FOXP2: variants seen among roughly 807,000 people sequenced by gnomAD.
FOXP2 encodes the protein forkhead box P2.
In FOXP2, 12 loss-of-function variants were observed where a neutral mutation model predicts 115.8. That is an observed-to-expected ratio of 0.10 (90% CI 0.07 to 0.17). The LOEUF is 0.17. FOXP2 is among the 10% of genes least tolerant of loss of function. The probability of loss-of-function intolerance (pLI) is 1.00; values close to 1 mark genes in which losing one functional copy is unlikely to be tolerated. For missense variants in FOXP2, 629 were observed against 843.5 expected (o/e 0.75, Z 3.15); for synonymous variants, 328 against 297.7 (o/e 1.10, Z -1.05).
chr7:114,632,836 C>G (rs769997480), intron 6 of FOXP2, among the ~76,000 whole-genome samples: 2 of 151,660 alleles, frequency 1.3e-5, no homozygotes, highest in Non-Finnish European at 2.9e-5. Flanking sequence ...CTGAGTTATT[C>G]TAAAGAATAT....
intron 3 of FOXP2, among the ~76,000 whole-genome samples, chr7:114,548,994 T>A (rs1800069674): frequency 6.6e-6 from 1 of 152,178 alleles, no homozygotes; most frequent in African/African-American, 2.4e-5. Flanking sequence ...GTCTTAACAT[T>A]CCTCCCAGCT....
Position 114,658,239 on chromosome 7 carries a change from A to C in FOXP2, c.1440A>C (p.Ser480=), listed in dbSNP as rs750184306. The C allele has an allele frequency of 6.2e-7, 1 of 1,613,866 alleles. No individual in the cohort carries two copies. The highest frequency in any genetic ancestry group is 2.2e-5 in the East Asian group (1 of 44,858). The change falls in exon 11 of 17, where the codon TCA becomes TCC. Residue 480 remains serine (S), a synonymous_variant. Coordinates refer to ENST00000350908, the MANE Select transcript of FOXP2 (RefSeq NM_014491.4). ...PNVGAIRRRH[S]DKYNIPMSSE... ...TGGGAGCCATACGAAGGCGACATTC[A>C]GACAAATACAACATTCCCATGTCAT...
At chr7:114,219,700 T>C (rs1330161608) in intron 1 of FOXP2, among the ~76,000 whole-genome samples, 2 of 152,156 alleles carry the variant, frequency 1.3e-5, no homozygotes, top group Non-Finnish European at 2.9e-5. Flanking sequence ...ACTTCTCTAA[T>C]TTGTTACCCC....
At chr7:114,427,695 A>G (rs1386241137) in intron 2 of FOXP2, among the ~76,000 whole-genome samples, 2 of 151,642 alleles carry the variant, frequency 1.3e-5, no homozygotes, top group Non-Finnish European at 3.0e-5. Context: ...AAGGTAGTAT[A>G]TAATGAGAAA....
At chr7:114,685,982 A>G (rs73716964) in intron 16 of FOXP2, among the ~76,000 whole-genome samples, 2 of 148,574 alleles carry the variant, frequency 1.3e-5, no homozygotes, top group East Asian at 2.0e-4. Context: ...TTTTTTTTTT[A>G]AAAAAAAAGC....
At chr7:114,125,791 G>T (rs1791691161) in intron 1 of FOXP2, among the ~76,000 whole-genome samples, 2 of 152,164 alleles carry the variant, frequency 1.3e-5, no homozygotes, top group South Asian at 4.1e-4. Context: ...CCCTCTCTCA[G>T]TTTCAGATTG....
chr7:114,178,610 A>G (rs1000790027), intron 1 of FOXP2, among the ~76,000 whole-genome samples: 33 of 151,992 alleles, frequency 2.2e-4, no homozygotes, highest in African/African-American at 8.0e-4. Context: ...TAGCTGTAAG[A>G]ACAGACAGAG....
intron 16 of FOXP2, among the ~76,000 whole-genome samples, chr7:114,686,396 C>A (rs1204404602): frequency 2.0e-5 from 3 of 152,162 alleles, no homozygotes; most frequent in Admixed American, 2.0e-4. Flanking sequence ...TGGTCTTGAA[C>A]CCCTGACCTC....
chr7:114,301,656 G>A (rs1272080070), intron 2 of FOXP2, among the ~76,000 whole-genome samples: 2 of 152,158 alleles, frequency 1.3e-5, no homozygotes, highest in East Asian at 1.9e-4. Context: ...AATGAAAAGG[G>A]CATTTTGCAC....
Position 114,690,422 on chromosome 7 carries a change from A to G in FOXP2, c.*496A>G. The G allele has an allele frequency of 2.2e-6, 1 of 453,944 alleles. No individual in the cohort carries two copies. The highest frequency in any genetic ancestry group is 4.4e-6 in the Non-Finnish European group (1 of 226,656). 28.1% of individuals were successfully genotyped at this position (453,944 alleles called of 1,614,324 possible). On this transcript the variant is annotated 3_prime_UTR_variant, in exon 17 of 17. Coordinates refer to ENST00000350908, the MANE Select transcript of FOXP2 (RefSeq NM_014491.4). Reference sequence around the variant, plus strand: ...TATTGTTTTTAATTTGCACAGGAGTAGTATCAGAAATTAGTGTCACTGCTT... The same window carrying G: ...TATTGTTTTTAATTTGCACAGGAGTGGTATCAGAAATTAGTGTCACTGCTT...
At chr7:114,373,441 A>G (rs963107590) in intron 2 of FOXP2, among the ~76,000 whole-genome samples, 7 of 152,222 alleles carry the variant, frequency 4.6e-5, no homozygotes, top group Non-Finnish European at 7.3e-5. Context: ...TGACTGTGAC[A>G]AAGTGGCCTA....
chr7:114,459,143 A>G (rs1005335079), intron 2 of FOXP2, among the ~76,000 whole-genome samples: 4 of 152,218 alleles, frequency 2.6e-5, no homozygotes, highest in African/African-American at 9.6e-5. Context: ...AAAAGCAGCC[A>G]GTCCTCTTAA....
chr7:114,391,889 G>C (rs1317321773), intron 2 of FOXP2, among the ~76,000 whole-genome samples: 2 of 152,128 alleles, frequency 1.3e-5, no homozygotes, highest in African/African-American at 4.8e-5. Context: ...ACTCTGAAAA[G>C]CATACTAGGT....
intron 1 of FOXP2, among the ~76,000 whole-genome samples, chr7:114,206,849 A>G (rs551584031): frequency 6.6e-6 from 1 of 152,314 alleles, no homozygotes; most frequent in African/African-American, 2.4e-5. Context: ...TTTAAAGTGT[A>G]TGACTCAGTG....
intron 2 of FOXP2, among the ~76,000 whole-genome samples, chr7:114,461,358 T>C (rs1179381394): frequency 6.6e-6 from 1 of 152,202 alleles, no homozygotes; most frequent in Non-Finnish European, 1.5e-5. Flanking sequence ...TATTATACTT[T>C]TCCTTTTAAT....
At chr7:114,458,609 G>A (rs1211721753) in intron 2 of FOXP2, among the ~76,000 whole-genome samples, 2 of 141,566 alleles carry the variant, frequency 1.4e-5, no homozygotes, top group African/African-American at 2.7e-5. Flanking sequence ...GTGCAGTGGT[G>A]CAATGATGGC....
intron 2 of FOXP2, among the ~76,000 whole-genome samples, chr7:114,303,756 T>C (rs1796933421): frequency 6.6e-6 from 1 of 152,140 alleles, no homozygotes; most frequent in Admixed American, 6.5e-5. Context: ...ACAGTTTAGT[T>C]ATTGGTTAGT....
intron 11 of FOXP2, among the ~76,000 whole-genome samples, 155 bp downstream of exon 11, chr7:114,658,422 G>A (rs939413439): frequency 1.3e-5 from 2 of 152,106 alleles, no homozygotes; most frequent in African/African-American, 2.4e-5. Flanking sequence ...GAATAGGGGC[G>A]ATTCCCTAAG....
intron 1 of FOXP2, among the ~76,000 whole-genome samples, chr7:114,194,089 T>A (rs150662242): frequency 6.6e-6 from 1 of 152,182 alleles, no homozygotes; most frequent in East Asian, 1.9e-4. Flanking sequence ...TTCTTATCAA[T>A]AACAGAGCAA....
Sources: gnomAD v4.1 joint callset for allele counts (sites outside exome capture counted in the v4.1 genomes callset) on GRCh38, gnomAD v4.1.1 for gene constraint, MANE v1.5 for transcripts, NCBI Gene and HGNC (gene_info 2026-07-23, HGNC 2026-07-21) for gene names.